The following RAB37 variants were observed in gnomAD, a reference collection of about 807,000 sequenced individuals.
RAB37 encodes the protein RAB37, member RAS oncogene family.
A neutral mutation model predicts 33.1 loss-of-function variants in RAB37; 29 were observed. That is an observed-to-expected ratio of 0.88 (90% confidence interval 0.65 to 1.20). RAB37 has a LOEUF of 1.20. Ranked by LOEUF, RAB37 falls within the 50% of genes most tolerant of loss-of-function variation. The pLI is 0.00. For missense variants in RAB37, 299 were observed against 301.1 expected (o/e 0.99, Z 0.05); for synonymous variants, 128 against 119.5 (o/e 1.07, Z -0.47).
chr17:74,744,690 C>A lies in RAB37; in HGVS notation c.433-183C>A. ...GCTGTCCTATTCCAAGACCCTTTAC[C>A]AAAGGTGAGATCCCAGAGCTGGGAG... On this transcript the variant is annotated intron_variant, in intron 6 of 8. Transcript: ENST00000392613. This position sits in a 1 kb window ranked among gnomAD's most constrained non-coding sequence, Gnocchi z 4.2. 1 of 707,768 alleles carries A rather than the reference C, an allele frequency of 1.4e-6. No individual in the cohort carries two copies. Among genetic ancestry groups the A allele is most frequent in the Non-Finnish European group, 2.4e-6 (1 of 412,194 alleles). 43.8% of individuals were successfully genotyped at this position (707,768 alleles called of 1,614,324 possible).
intron 1 of RAB37, among the ~76,000 whole-genome samples, chr17:74,722,525 C>T (rs1166285983): frequency 3.3e-5 from 5 of 152,188 alleles, no homozygotes; most frequent in Non-Finnish European, 7.3e-5. Flanking sequence ...AAGTCAGCTG[C>T]TTGGAGATGT....
chr17:74,727,589 T>C (rs2034320832), intron 1 of RAB37, among the ~76,000 whole-genome samples: 1 of 152,220 alleles, frequency 6.6e-6, no homozygotes, highest in South Asian at 2.1e-4. Flanking sequence ...TAATTGCCTG[T>C]AGGAAGCATG....
chr17:74,680,085 G>A (rs2031923427), intron 1 of RAB37, among the ~76,000 whole-genome samples: 1 of 151,894 alleles, frequency 6.6e-6, no homozygotes, highest in Admixed American at 6.6e-5. Flanking sequence ...GATAGCACTT[G>A]CATGCCATGT....
upstream of RAB37, chr17:74,736,869 AGCCCACG>A (rs1202475100): frequency 6.6e-7 from 1 of 1,514,188 alleles, no homozygotes; most frequent in Non-Finnish European, 8.8e-7. Flanking sequence ...ACCTGGGGAC[AGCCCACG>A]GCCCGGGGCT....
chr17:74,681,623 C>T (rs1198671647), intron 1 of RAB37, among the ~76,000 whole-genome samples: 1 of 152,224 alleles, frequency 6.6e-6, no homozygotes, highest in Admixed American at 6.5e-5. Context: ...GAGGGGCACG[C>T]CACGTGAGCT....
chr17:74,677,009 C>T (rs1376218406), intron 1 of RAB37, among the ~76,000 whole-genome samples: 1 of 151,820 alleles, frequency 6.6e-6, no homozygotes, highest in Non-Finnish European at 1.5e-5. Flanking sequence ...AATTAGTCAG[C>T]CGTGGTGGTG....
At chr17:74,714,339 T>C (rs2034125203) in intron 1 of RAB37, among the ~76,000 whole-genome samples, 1 of 151,328 alleles carries the variant, frequency 6.6e-6, no homozygotes, top group South Asian at 2.1e-4. Context: ...TGAGCTATGA[T>C]TGAGCCACTG....
intron 1 of RAB37, chr17:74,703,131 G>T: frequency 6.2e-7 from 1 of 1,613,474 alleles, no homozygotes; most frequent in Non-Finnish European, 8.5e-7. Context: ...CGTGGTGGGG[G>T]CAGGAGTCGA....
At chr17:74,714,383 C>T (rs569388298) in intron 1 of RAB37, among the ~76,000 whole-genome samples, 1 of 147,792 alleles carries the variant, frequency 6.8e-6, no homozygotes, top group African/African-American at 2.6e-5. Context: ...ACAGAGCAGA[C>T]GCTGTCTCTT....
At chr17:74,690,803 A>G (rs776713845) in intron 1 of RAB37, among the ~76,000 whole-genome samples, 4 of 152,356 alleles carry the variant, frequency 2.6e-5, no homozygotes, top group Non-Finnish European at 4.4e-5. Flanking sequence ...GGACTGGCTC[A>G]TGACTGTCAA....
intron 1 of RAB37, among the ~76,000 whole-genome samples, chr17:74,704,177 G>T (rs1024332021): frequency 2.0e-5 from 3 of 152,170 alleles, no homozygotes; most frequent in African/African-American, 2.4e-5. Flanking sequence ...CCATGGGAAG[G>T]CATCCCTTTG....
intron 1 of RAB37, among the ~76,000 whole-genome samples, chr17:74,720,418 C>G (rs568113555): frequency 6.6e-6 from 1 of 151,746 alleles, no homozygotes; most frequent in East Asian, 1.9e-4. Flanking sequence ...AACCCCATCT[C>G]TACTGAAAAA....
Position 74,744,798 on chromosome 17 carries a change from C to T in RAB37, c.433-75C>T. 1.3e-6 allele frequency: 2 copies of T among 1,582,278 alleles called. No homozygotes were observed. The highest frequency in any genetic ancestry group is 8.7e-7 in the Non-Finnish European group (1 of 1,151,374). ...GCCACCAGCAGAGGGCAGGCAACGCCTGCTTCTGGGGCAAAATATGGGCCC... is the reference window on the plus strand; with the variant it reads ...GCCACCAGCAGAGGGCAGGCAACGCTTGCTTCTGGGGCAAAATATGGGCCC... On this transcript the variant is annotated intron_variant, in intron 6 of 8. Coordinates refer to ENST00000392613, the MANE Select transcript of RAB37 (RefSeq NM_001006638.3). The surrounding 1 kb of genome is among the most constrained non-coding windows in gnomAD (Gnocchi z 4.2).
chr17:74,700,445 C>A (rs2032943093), intron 1 of RAB37, among the ~76,000 whole-genome samples: 3 of 152,120 alleles, frequency 2.0e-5, no homozygotes, highest in African/African-American at 7.2e-5. Flanking sequence ...CCAGTCTTTG[C>A]TCAAGAATCA....
chr17:74,728,822 T>C (rs369698271), intron 1 of RAB37, among the ~76,000 whole-genome samples: 2 of 152,078 alleles, frequency 1.3e-5, no homozygotes, highest in East Asian at 1.9e-4. Context: ...CATGTGTTTT[T>C]CTGTGTCTGT....
intron 1 of RAB37, among the ~76,000 whole-genome samples, chr17:74,690,096 C>A (rs35401355): frequency 0.017 from 2,547 of 152,154 alleles, 59 homozygotes; most frequent in Admixed American, 0.062. Flanking sequence ...GGTCTACAGT[C>A]GTGCACAACC....
At chr17:74,728,329 G>A (rs1271485498) in intron 1 of RAB37, among the ~76,000 whole-genome samples, 3 of 151,116 alleles carry the variant, frequency 2.0e-5, no homozygotes, top group Admixed American at 1.3e-4. Context: ...GTACATGTGT[G>A]TTTTATGTGT....
At position 74,745,223 on chromosome 17, in the gene RAB37, G is replaced by A. The variant is rs2034729017; in HGVS notation, c.567-83G>A. 1 of 1,532,404 alleles carries A rather than the reference G, an allele frequency of 6.5e-7. No individual in the cohort carries two copies. The highest frequency in any genetic ancestry group is 9.0e-7 in the Non-Finnish European group (1 of 1,107,162). The allele number at this position is 1,532,404 out of a possible 1,614,324, so 94.9% of individuals were successfully genotyped here. On this transcript the variant is annotated intron_variant, in intron 8 of 8. Coordinates refer to ENST00000392613, the MANE Select transcript of RAB37 (RefSeq NM_001006638.3). This position sits in a 1 kb window ranked among gnomAD's most constrained non-coding sequence, Gnocchi z 4.5. ...GGTCCATTTGCTCTGGGAGCACTGG[G>A]CCACTGGGAGAGGGGAGGGGGCGGC...
At chr17:74,712,805 C>T (rs1239091872) in intron 1 of RAB37, 1 of 1,613,784 alleles carries the variant, frequency 6.2e-7, no homozygotes, top group African/African-American at 1.3e-5. Flanking sequence ...CCCAAGAAGA[C>T]AGACCCAGGC....
Sources: allele counts gnomAD v4.1 joint callset (sites outside exome capture counted in the v4.1 genomes callset), GRCh38; gene constraint gnomAD v4.1.1; non-coding constraint Gnocchi (gnomAD v3.1); transcripts MANE v1.5; gene names NCBI Gene and HGNC (gene_info 2026-07-23, HGNC 2026-07-21).